The following DENND5B variants were observed in gnomAD, a reference collection of about 807,000 sequenced individuals.
DENND5B encodes DENN domain-containing protein 5B.
In DENND5B, 34 loss-of-function variants were observed where a neutral mutation model predicts 140.6. The observed-to-expected ratio is 0.24, with a 90% CI of 0.18 to 0.32. DENND5B has a LOEUF of 0.32. Among genes scored for constraint, DENND5B ranks in the 10% least tolerant of loss-of-function variants. The pLI is 1.00. For synonymous variants in DENND5B, 551 were observed against 562.1 expected, an observed-to-expected ratio of 0.98 and a Z score of 0.28; for missense variants, 1,142 against 1,560.2, an observed-to-expected ratio of 0.73 and a Z score of 4.52.
At chr12:31,516,211 T>A (rs1184936688) in intron 1 of DENND5B, among the ~76,000 whole-genome samples, 1 of 152,138 alleles carries the variant, frequency 6.6e-6, no homozygotes, top group Admixed American at 6.6e-5. Flanking sequence ...GTGGGCACGG[T>A]GGCTCGCGTC....
intron 1 of DENND5B, among the ~76,000 whole-genome samples, chr12:31,510,390 A>C (rs930435842): frequency 6.6e-6 from 1 of 152,136 alleles, no homozygotes; most frequent in Non-Finnish European, 1.5e-5. Context: ...ATCTTAGTTC[A>C]CTGCAACCTT....
At chr12:31,402,472 C>T in intron 15 of DENND5B, 26 bp downstream of exon 15, 2 of 1,596,650 alleles carry the variant, frequency 1.3e-6, no homozygotes, top group Middle Eastern at 1.7e-4. Flanking sequence ...ATACATTCTT[C>T]TAGGAAAGGT....
In DENND5B at chr12:31,520,790, T is replaced by G. The variant is rs555414309; in HGVS notation, c.128-24871A>C. Among the ~76,000 whole-genome samples the G allele has an allele frequency of 3.8e-4, 58 of 152,202 alleles. 1 individual carries two copies. The South Asian group carries it at 0.012, about 31-fold the overall frequency. The stretch of plus-strand genomic sequence containing the variant: ...CTCCTGACCTCATGATCCACACACC[T>G]CGGCCTCCCAAAGTGCTGGGATTAC... On this transcript the variant is annotated intron_variant, in intron 1 of 20. Transcript: ENST00000389082.
intron 2 of DENND5B, among the ~76,000 whole-genome samples, chr12:31,485,596 T>A (rs1239614351): frequency 6.6e-6 from 1 of 152,254 alleles, no homozygotes; most frequent in Non-Finnish European, 1.5e-5. Flanking sequence ...ATTTTATTTA[T>A]AAAAACAGTC....
At chr12:31,455,474 G>A (rs189717575) in intron 4 of DENND5B, among the ~76,000 whole-genome samples, 1 of 152,202 alleles carries the variant, frequency 6.6e-6, no homozygotes, top group East Asian at 1.9e-4. Context: ...TACAAACTGT[G>A]TTATGAAAAT....
At chr12:31,499,526 A>G in intron 1 of DENND5B, 1 of 1,198,650 alleles carries the variant, frequency 8.3e-7, no homozygotes, top group Non-Finnish European at 1.1e-6. Context: ...AACTGAATAA[A>G]GAAACATTTA....
At chr12:31,482,004 G>A (rs1403648751) in intron 2 of DENND5B, among the ~76,000 whole-genome samples, 1 of 152,146 alleles carries the variant, frequency 6.6e-6, no homozygotes, top group Non-Finnish European at 1.5e-5. Flanking sequence ...TTCTTTCAGT[G>A]TTAAGATTTC....
chr12:31,492,701 T>C (rs1946579181), intron 2 of DENND5B, among the ~76,000 whole-genome samples: 1 of 152,240 alleles, frequency 6.6e-6, no homozygotes, highest in Non-Finnish European at 1.5e-5. Flanking sequence ...TAAATGCCTT[T>C]CTATTAATTT....
chr12:31,571,426 A>G (rs1473278665), intron 1 of DENND5B, among the ~76,000 whole-genome samples: 12 of 152,274 alleles, frequency 7.9e-5, no homozygotes, highest in Admixed American at 7.2e-4. Flanking sequence ...CAACTGAGTG[A>G]GATTCAAAGC....
At chr12:31,557,931 T>C (rs1017617140) in intron 1 of DENND5B, among the ~76,000 whole-genome samples, 1 of 151,690 alleles carries the variant, frequency 6.6e-6, no homozygotes, top group African/African-American at 2.4e-5. Flanking sequence ...GGCATGGTAG[T>C]AGTCCCAGCT....
chr12:31,382,335 T>C lies in DENND5B; in HGVS notation c.*5268A>G, dbSNP rs1940670011. 6.6e-6 allele frequency: 1 copy of C among 152,298 alleles called. No individual in the cohort carries two copies. The highest frequency in any genetic ancestry group is 2.1e-4 in the South Asian group (1 of 4,832). 9.4% of individuals were successfully genotyped at this position (152,298 alleles called of 1,614,324 possible). On this transcript the variant is annotated 3_prime_UTR_variant, in exon 21 of 21. Transcript: ENST00000389082. Reference sequence around the variant, plus strand: ...AGTTTGTCTGATATGTATGTTAAAGTGCTTAATATCACAATACTCTTTCAA... The same window carrying C: ...AGTTTGTCTGATATGTATGTTAAAGCGCTTAATATCACAATACTCTTTCAA...
chr12:31,552,063 T>G (rs962328460), intron 1 of DENND5B, among the ~76,000 whole-genome samples: 4 of 152,144 alleles, frequency 2.6e-5, no homozygotes, highest in Non-Finnish European at 4.4e-5. Flanking sequence ...TATTTCCTTC[T>G]CCTGCCTGAT....
intron 4 of DENND5B, among the ~76,000 whole-genome samples, chr12:31,453,246 T>C (rs539208898): frequency 7.9e-5 from 12 of 152,266 alleles, no homozygotes; most frequent in African/African-American, 2.2e-4. Context: ...TGATTAACCT[T>C]TGAATAATTA....
intron 1 of DENND5B, among the ~76,000 whole-genome samples, chr12:31,561,930 T>G (rs1251715032): frequency 6.6e-6 from 1 of 152,210 alleles, no homozygotes; most frequent in South Asian, 2.1e-4. Flanking sequence ...TTCAACAAAG[T>G]TGCAGTGAGC....
chr12:31,439,434 GT>G (rs1943925315), intron 7 of DENND5B, among the ~76,000 whole-genome samples: 1 of 151,802 alleles, frequency 6.6e-6, no homozygotes, highest in Non-Finnish European at 1.5e-5. Flanking sequence ...TTCCTACTTT[GT>G]TTTTCTTCAT....
intron 1 of DENND5B, among the ~76,000 whole-genome samples, chr12:31,559,138 T>C (rs1056420319): frequency 6.6e-6 from 1 of 152,134 alleles, no homozygotes; most frequent in Non-Finnish European, 1.5e-5. Context: ...AAAATTCTCA[T>C]GGGAGAGTAG....
At chr12:31,397,549 C>CAAACAAAAA (rs1941543943) in intron 17 of DENND5B, among the ~76,000 whole-genome samples, 1 of 49,320 alleles carries the variant, frequency 2.0e-5, no homozygotes, top group Non-Finnish European at 3.3e-5. Flanking sequence ...TTCCATCTCA[C>CAAACAAAAA]AAAAAAAAAA....
chr12:31,557,735 A>G (rs1215832339), intron 1 of DENND5B, among the ~76,000 whole-genome samples: 1 of 151,700 alleles, frequency 6.6e-6, no homozygotes, highest in African/African-American at 2.4e-5. Flanking sequence ...GGAAAAGGAG[A>G]AGAGAGAAAA....
intron 2 of DENND5B, among the ~76,000 whole-genome samples, chr12:31,487,162 G>C (rs1208556890): frequency 6.6e-6 from 1 of 152,084 alleles, no homozygotes; most frequent in Non-Finnish European, 1.5e-5. Context: ...AAAGGACTAA[G>C]GCAGATTTAC....
Sources: allele counts gnomAD v4.1 joint callset (sites outside exome capture counted in the v4.1 genomes callset), GRCh38; gene constraint gnomAD v4.1.1; transcripts MANE v1.5; gene names NCBI Gene and HGNC (gene_info 2026-07-23, HGNC 2026-07-21).